Variants in MGRN1 observed in about 807,000 individuals in gnomAD.
MGRN1 encodes mahogunin ring finger 1.
MGRN1 carries 29 observed loss-of-function variants against 69.2 expected under a neutral mutation model. The observed-to-expected ratio is 0.42, with a 90% CI of 0.31 to 0.57. The LOEUF (loss-of-function observed/expected upper bound fraction) is 0.57. Among genes scored for constraint, MGRN1 ranks in the 20% least tolerant of loss-of-function variants. MGRN1 has a pLI of 0.15. For synonymous variants in MGRN1, 470 were observed against 344.2 expected (o/e 1.37, Z -4.04); for missense variants, 998 against 796.2 (o/e 1.25, Z -3.05).
intron 10 of MGRN1, among the ~76,000 whole-genome samples, chr16:4,676,557 G>A (rs529745454): frequency 7.5e-4 from 114 of 152,314 alleles, no homozygotes; most frequent in African/African-American, 1.2e-3. Context: ...ACAGGCGCCC[G>A]AGGGCAGAGA....
chr16:4,667,248 C>G (rs893671674), intron 7 of MGRN1, among the ~76,000 whole-genome samples: 4 of 152,222 alleles, frequency 2.6e-5, no homozygotes, highest in African/African-American at 9.6e-5. Context: ...TACCTGTGAT[C>G]TGGGTCTTTC....
chr16:4,638,345 A>T (rs146031789), intron 1 of MGRN1, among the ~76,000 whole-genome samples: 87 of 152,152 alleles, frequency 5.7e-4, no homozygotes, highest in Admixed American at 1.0e-3. Flanking sequence ...GGTGCCTGTA[A>T]TCTCAGCTAT....
chr16:4,672,898 CA>C (rs1199574479), intron 9 of MGRN1, among the ~76,000 whole-genome samples: 1 of 152,170 alleles, frequency 6.6e-6, no homozygotes, highest in Non-Finnish European at 1.5e-5. Flanking sequence ...AGTGCAGTGG[CA>C]GCCATCTTGG....
chr16:4,625,457 C>A (rs1897626824), intron 1 of MGRN1, among the ~76,000 whole-genome samples: 1 of 152,222 alleles, frequency 6.6e-6, no homozygotes. Context: ...CTTTCGCTTT[C>A]TTTAGTGGCT....
intron 4 of MGRN1, among the ~76,000 whole-genome samples, chr16:4,656,999 G>A (rs146273032): frequency 2.6e-4 from 40 of 152,356 alleles, no homozygotes; most frequent in Admixed American, 7.2e-4. Flanking sequence ...GGATTGGGCA[G>A]GTGTGGGCTC....
chr16:4,671,357 G>A (rs753135002), intron 8 of MGRN1, 34 bp from the exon 9 acceptor site: 1 of 1,609,442 alleles, frequency 6.2e-7, no homozygotes. Flanking sequence ...ATGGCAGTTG[G>A]CGAGGGCCCA....
chr16:4,666,158 C>T (rs776647227), intron 7 of MGRN1, among the ~76,000 whole-genome samples: 2 of 151,888 alleles, frequency 1.3e-5, no homozygotes, highest in Admixed American at 6.6e-5. Context: ...AACAGGGTCT[C>T]GCTCTGTTGC....
At position 4,625,005 on chromosome 16, in the gene MGRN1, C is replaced by T. The variant is rs747892957; in HGVS notation, c.45C>T (p.Ile15=). The T allele has an allele frequency of 6.4e-7, 1 of 1,561,004 alleles. No individual in the cohort carries two copies. The highest frequency in any genetic ancestry group is 1.4e-5 in the African/African-American group (1 of 70,550). ...GCCGCATCGCGGGGGTGGAGGACAT[C>T]GACATCCAGGCGAACTCGGCCTATC... ...LSRRIAGVED[I]DIQANSAYRY... is the part of the protein sequence containing the mutation. Residue 15 remains isoleucine (I), a synonymous_variant, in exon 1 of 17, where the codon ATC becomes ATT. Coordinates refer to ENST00000262370, the MANE Select transcript of MGRN1 (RefSeq NM_015246.4).
chr16:4,688,866 C>T lies in MGRN1; in HGVS notation c.1689C>T (p.Gly563=), dbSNP rs1417693191. Reference sequence around the variant, plus strand: ...GCCCCACCTGGCCTCCACTTGGTGGCCCCAGCCCCGATCCCAGCGCCGCCG... The same window carrying T: ...GCCCCACCTGGCCTCCACTTGGTGGTCCCAGCCCCGATCCCAGCGCCGCCG... ...TTSPTWPPLG[G]PSPDPSAAEL... is the part of the protein sequence containing the mutation. Residue 563 remains glycine (G), a synonymous_variant, in exon 17 of 17, where the codon GGC becomes GGT. Transcript: ENST00000262370. 1.9e-5 allele frequency: 30 copies of T among 1,554,274 alleles called. No individual in the cohort carries two copies. The highest frequency in any genetic ancestry group is 2.3e-5 in the Non-Finnish European group (26 of 1,148,612).
At chr16:4,670,378 G>A (rs1035008243) in intron 8 of MGRN1, among the ~76,000 whole-genome samples, 2 of 152,240 alleles carry the variant, frequency 1.3e-5, no homozygotes, top group Admixed American at 1.3e-4. Flanking sequence ...GAGTAGCTGG[G>A]ACTACAGGCA....
intron 2 of MGRN1, 136 bp from the exon 3 acceptor site, chr16:4,651,827 G>C (rs2078413010): frequency 1.3e-6 from 1 of 753,380 alleles, no homozygotes; most frequent in African/African-American, 1.7e-5. Context: ...TGAGAACAGT[G>C]CACCCAGTAT....
At chr16:4,646,405 A>T (rs2078275876) in intron 1 of MGRN1, among the ~76,000 whole-genome samples, 1 of 151,416 alleles carries the variant, frequency 6.6e-6, no homozygotes, top group Non-Finnish European at 1.5e-5. Context: ...CCTCGGCGAC[A>T]GAGCAAGACC....
chr16:4,631,591 G>A (rs949366627), intron 1 of MGRN1, among the ~76,000 whole-genome samples: 3 of 152,162 alleles, frequency 2.0e-5, no homozygotes, highest in African/African-American at 7.2e-5. Context: ...GAGAAATCCT[G>A]GTCTGTTCTT....
chr16:4,682,573 G>C (rs2079212984), intron 13 of MGRN1, among the ~76,000 whole-genome samples: 1 of 152,226 alleles, frequency 6.6e-6, no homozygotes. Context: ...CTTCTAGAAA[G>C]AAAAGGAAGG....
chr16:4,673,611 C>T lies in MGRN1; in HGVS notation c.909C>T (p.Ala303=), dbSNP rs373810652. ...ACCTGTGCCTCTGTACCTCCTGCGC[C>T]GACACGCTGCGCTACCAGGCCAACA... The part of the protein sequence containing the change: ...CRHLCLCTSC[A]DTLRYQANNC... Residue 303 remains alanine (A), a synonymous_variant, in exon 10 of 17, where the codon GCC becomes GCT. Transcript: ENST00000262370. 2.5e-5 allele frequency: 41 copies of T among 1,613,500 alleles called. No individual in the cohort carries two copies. In the African/African-American group the frequency reaches 3.5e-4, roughly 14 times the overall value.
chr16:4,678,646 G>T (rs2079108014), intron 11 of MGRN1, among the ~76,000 whole-genome samples: 1 of 152,224 alleles, frequency 6.6e-6, no homozygotes. Flanking sequence ...CAGAATGGGG[G>T]AGTTGGACAG....
In MGRN1 at chr16:4,652,027, G is replaced by A. The variant is rs944959628; in HGVS notation, c.272G>A (p.Arg91His). 19 of 1,613,858 alleles carry A rather than the reference G, an allele frequency of 1.2e-5. No individual in the cohort carries two copies. The highest frequency in any genetic ancestry group is 2.7e-5 in the African/African-American group (2 of 74,892). Residue 91 changes from arginine to histidine, a missense_variant, in exon 3 of 17, where the codon CGC becomes CAC. By Grantham distance (29) the Arg-to-His change is conservative. Transcript: ENST00000262370. The stretch of plus-strand genomic sequence containing the variant: ...ACGCTGCGGAGCCTGGTGAACATCC[G>A]CAAAGACTCCCTGCGGCTGGTGAGG... ...VKTLRSLVNI[R>H]KDSLRLVRYK...
At chr16:4,663,932 C>A (rs569536782) in intron 5 of MGRN1, 4 of 152,456 alleles carry the variant, frequency 2.6e-5, no homozygotes, top group African/African-American at 9.6e-5. Context: ...GCCTCGTGGT[C>A]TCCCTTGCTT....
intron 1 of MGRN1, among the ~76,000 whole-genome samples, chr16:4,643,835 A>G (rs894376743): frequency 6.6e-6 from 1 of 152,242 alleles, no homozygotes; most frequent in African/African-American, 2.4e-5. Context: ...TTTTATCAAT[A>G]ACAAGAAGAA....
Sources: gnomAD v4.1 joint callset for allele counts (sites outside exome capture counted in the v4.1 genomes callset) on GRCh38, gnomAD v4.1.1 for gene constraint, MANE v1.5 for transcripts, NCBI Gene and HGNC (gene_info 2026-07-23, HGNC 2026-07-21) for gene names.